The following RNF17 variants were observed in gnomAD, a reference collection of about 807,000 sequenced individuals.
RNF17 encodes the protein spermatogenesis associated 23.
In RNF17, 31 loss-of-function variants were observed where a neutral mutation model predicts 200.5. The ratio of observed to expected loss-of-function variants is 0.15; its 90% confidence interval spans 0.12 to 0.21. The LOEUF is 0.21. Among genes scored for constraint, RNF17 ranks in the 10% least tolerant of loss-of-function variants. The pLI, the probability that RNF17 is intolerant of heterozygous loss-of-function variation, is 1.00. For missense variants in RNF17, 1,628 were observed against 1,905.1 expected (o/e 0.85, Z 2.71); for synonymous variants, 606 against 637.8 (o/e 0.95, Z 0.75).
intron 22 of RNF17, among the ~76,000 whole-genome samples, chr13:24,848,793 C>G (rs1474779073): frequency 6.6e-6 from 1 of 152,004 alleles, no homozygotes; most frequent in Non-Finnish European, 1.5e-5. Context: ...TATTTATATC[C>G]ATAATAAATC....
chr13:24,885,628 A>G, the RNF17 span: 3 of 1,612,476 alleles, frequency 1.9e-6, no homozygotes, highest in Non-Finnish European at 2.5e-6. Context: ...CAAATTGCCT[A>G]AATCACGAGG....
intron 15 of RNF17, among the ~76,000 whole-genome samples, chr13:24,806,987 T>G (rs1458114743): frequency 6.6e-6 from 1 of 152,010 alleles, no homozygotes; most frequent in Non-Finnish European, 1.5e-5. Flanking sequence ...CTCATCATTT[T>G]TTATGGCTGC....
the RNF17 span, chr13:24,885,775 TA>T: frequency 2.5e-6 from 2 of 802,940 alleles, no homozygotes; most frequent in Middle Eastern, 3.5e-4. Flanking sequence ...TGCTGTCCTT[TA>T]TCCATTAGTT....
chr13:24,796,013 T>A, intron 10 of RNF17, 124 bp from the exon 11 acceptor site: 1 of 571,866 alleles, frequency 1.7e-6, no homozygotes, highest in Non-Finnish European at 2.9e-6. Flanking sequence ...GGGGCCGACG[T>A]GCGATATTCC....
intron 22 of RNF17, among the ~76,000 whole-genome samples, chr13:24,850,037 T>TGA: frequency 6.6e-6 from 1 of 152,198 alleles, no homozygotes; most frequent in Non-Finnish European, 1.5e-5. Context: ...ATGTATATAA[T>TGA]GACTTAAAAA....
chr13:24,869,941 T>TTC (rs1894071505), intron 31 of RNF17, among the ~76,000 whole-genome samples: 1 of 137,790 alleles, frequency 7.3e-6, no homozygotes, highest in Non-Finnish European at 1.6e-5. Flanking sequence ...CTAATTTTTT[T>TTC]TTTTTTTTTT....
At chr13:24,822,371 C>T (rs547879513) in intron 15 of RNF17, among the ~76,000 whole-genome samples, 1 of 152,010 alleles carries the variant, frequency 6.6e-6, no homozygotes, top group East Asian at 1.9e-4. Context: ...AAAACCTTGC[C>T]GAGGACTCCT....
chr13:24,840,209 G>A (rs1890464946), intron 18 of RNF17, among the ~76,000 whole-genome samples: 1 of 152,098 alleles, frequency 6.6e-6, no homozygotes, highest in African/African-American at 2.4e-5. Flanking sequence ...AATGGCCATA[G>A]TCAAAAAATC....
In RNF17 at chr13:24,845,082, A is replaced by C. The variant is rs1412240289; in HGVS notation, c.3101+3A>C. 7.7e-7 allele frequency: 1 copy of C among 1,303,620 alleles called. No individual in the cohort carries two copies. The highest frequency in any genetic ancestry group is 1.1e-6 in the Non-Finnish European group (1 of 912,754). 80.8% of individuals were successfully genotyped at this position (1,303,620 alleles called of 1,614,324 possible). A position where few individuals can be genotyped will look rare whatever the true frequency, so the allele number is the denominator to read the frequency against. ...GAATGTTCTCTGGTTGACATAAGGT[A>C]GTTTTTAGCTGAGTAATTTTCTCAT... On this transcript the variant is annotated splice_donor_region_variant and intron_variant, in intron 22 of 35. Transcript: ENST00000255324.
intron 14 of RNF17, among the ~76,000 whole-genome samples, chr13:24,802,993 G>A (rs1238453342): frequency 6.6e-6 from 1 of 151,944 alleles, no homozygotes; most frequent in Non-Finnish European, 1.5e-5. Context: ...CCAGGAGTTC[G>A]AGCTATGCTC....
At chr13:24,800,015 T>C (rs527236304) in intron 12 of RNF17, among the ~76,000 whole-genome samples, 3 of 152,294 alleles carry the variant, frequency 2.0e-5, no homozygotes, top group Non-Finnish European at 2.9e-5. Flanking sequence ...CAAACTGATA[T>C]GTTTCTGTAG....
In RNF17 at chr13:24,789,321, A is replaced by G. The variant is rs1317026296; in HGVS notation, c.784-27A>G. ...GCAATATTTGTGACAAGATTCACAC[A>G]TGAATGATTTTTTTTTTAAATTCTA... On this transcript the variant is annotated intron_variant, in intron 7 of 35. Transcript: ENST00000255324. 5 of 1,433,582 alleles carry G rather than the reference A, an allele frequency of 3.5e-6. No individual in the cohort carries two copies. In the Admixed American group the frequency reaches 6.8e-5, roughly 19 times the overall value. The allele number at this position is 1,433,582 out of a possible 1,614,324, so 88.8% of individuals were successfully genotyped here. A position where few individuals can be genotyped will look rare whatever the true frequency, so the allele number is the denominator to read the frequency against.
At chr13:24,817,495 G>C (rs1003125284) in intron 15 of RNF17, among the ~76,000 whole-genome samples, 1 of 152,088 alleles carries the variant, frequency 6.6e-6, no homozygotes, top group African/African-American at 2.4e-5. Context: ...GAGCCAGGTG[G>C]ATCACTTGAG....
upstream of RNF17, among the ~76,000 whole-genome samples, chr13:24,762,692 G>T (rs1370235961): frequency 6.6e-6 from 1 of 152,122 alleles, no homozygotes; most frequent in Non-Finnish European, 1.5e-5. Flanking sequence ...AGTGTAGAGA[G>T]AAAAGAAAAT....
chr13:24,758,814 C>T, the RNF17 span, among the ~76,000 whole-genome samples: 470 of 152,128 alleles, frequency 3.1e-3, 9 homozygotes, highest in East Asian at 0.033. Flanking sequence ...CGGTGGCTCA[C>T]GCTTGTAATC....
intron 31 of RNF17, 41 bp downstream of exon 31, chr13:24,868,757 C>T: frequency 9.4e-7 from 1 of 1,067,986 alleles, no homozygotes; most frequent in Non-Finnish European, 1.5e-6. Context: ...AAAAATGTAA[C>T]AAGCTGTCTT....
chr13:24,764,889 GTGT>G (rs1029015367), intron 1 of RNF17, among the ~76,000 whole-genome samples: 5 of 57,840 alleles, frequency 8.6e-5, no homozygotes, highest in African/African-American at 2.7e-4. Flanking sequence ...ACCTTGTGGG[GTGT>G]GTGTGTGTGT....
intron 18 of RNF17, among the ~76,000 whole-genome samples, chr13:24,835,964 C>A (rs1320250583): frequency 6.6e-6 from 1 of 152,110 alleles, no homozygotes; most frequent in Non-Finnish European, 1.5e-5. Flanking sequence ...TTAAAACAAT[C>A]AAAAATTGAG....
At chr13:24,885,445 C>CTGAT in the RNF17 span, 1 of 1,289,720 alleles carries the variant, frequency 7.8e-7, no homozygotes, top group Non-Finnish European at 1.1e-6. Flanking sequence ...AAGCCAGATT[C>CTGAT]TGATATAGGG....
Sources: allele counts gnomAD v4.1 joint callset (sites outside exome capture counted in the v4.1 genomes callset), GRCh38; gene constraint gnomAD v4.1.1; transcripts MANE v1.5; gene names NCBI Gene and HGNC (gene_info 2026-07-23, HGNC 2026-07-21).